RAI14: variants seen among roughly 807,000 people sequenced by gnomAD.
The protein encoded by RAI14 is ankycorbin.
Under a neutral mutation model 115.4 loss-of-function variants are expected in RAI14, and 45 were observed. That is an observed-to-expected ratio of 0.39 (90% CI 0.31 to 0.50). RAI14 has a LOEUF of 0.50. Among genes scored for constraint, RAI14 ranks in the 20% least tolerant of loss-of-function variants. RAI14 has a pLI of 0.85. For missense variants in RAI14, 939 were observed against 1,131.2 expected, an observed-to-expected ratio of 0.83 and a Z score of 2.44; for synonymous variants, 371 against 415.4, an observed-to-expected ratio of 0.89 and a Z score of 1.30.
At chr5:34,721,473 G>A (rs1742748534) in intron 2 of RAI14, among the ~76,000 whole-genome samples, 1 of 151,908 alleles carries the variant, frequency 6.6e-6, no homozygotes, top group East Asian at 1.9e-4. Context: ...CAAGAGGGAT[G>A]TAGCAACTAA....
intron 1 of RAI14, among the ~76,000 whole-genome samples, chr5:34,680,827 TATAAG>T (rs568637818): frequency 8.4e-4 from 128 of 152,332 alleles, no homozygotes; most frequent in Admixed American, 7.8e-3. Flanking sequence ...AACACCTACT[TATAAG>T]ATGATTTTTT....
chr5:34,784,886 C>T (rs374873104), intron 3 of RAI14, among the ~76,000 whole-genome samples: 7 of 152,162 alleles, frequency 4.6e-5, no homozygotes, highest in East Asian at 3.8e-4. Context: ...AGGTCGTATC[C>T]AATTAATGTC....
intron 14 of RAI14, 83 bp from the exon 15 acceptor site, chr5:34,822,873 G>C: frequency 8.3e-7 from 1 of 1,206,032 alleles, no homozygotes; most frequent in South Asian, 1.6e-5. Flanking sequence ...TTTTTTAGTA[G>C]AGACGGGGTT....
intron 2 of RAI14, among the ~76,000 whole-genome samples, chr5:34,694,286 TCTC>T (rs375376561): frequency 2.0e-5 from 3 of 152,358 alleles, no homozygotes; most frequent in African/African-American, 7.2e-5. Flanking sequence ...TCTATGAACT[TCTC>T]CTTGGGACTG....
At position 34,826,322 on chromosome 5, in the gene RAI14, G is replaced by A; in HGVS notation, c.2650-8G>A. The stretch of plus-strand genomic sequence containing the variant: ...CTGTCTGCTAATACCATTTTCCTTT[G>A]CCCCTAGATAAATGAGATGTCGAAG... On this transcript the variant is annotated splice_region_variant and splice_polypyrimidine_tract_variant and intron_variant, in intron 15 of 17. Transcript: ENST00000265109. 6.2e-7 allele frequency: 1 copy of A among 1,612,076 alleles called. No homozygotes were observed. Among genetic ancestry groups the A allele is most frequent in the African/African-American group, 1.3e-5 (1 of 74,934 alleles).
chr5:34,700,173 A>T (rs1579953882), intron 2 of RAI14, among the ~76,000 whole-genome samples: 1 of 152,178 alleles, frequency 6.6e-6, no homozygotes, highest in Non-Finnish European at 1.5e-5. Flanking sequence ...GATTTAGCCT[A>T]GGTTGGCTGT....
chr5:34,690,948 T>C (rs1282552924), intron 2 of RAI14, among the ~76,000 whole-genome samples: 1 of 152,094 alleles, frequency 6.6e-6, no homozygotes, highest in Non-Finnish European at 1.5e-5. Flanking sequence ...TAGAGCAAAA[T>C]ACAAGCAGTA....
chr5:34,701,598 T>C lies in RAI14; in HGVS notation c.36+14643T>C, dbSNP rs1369471251. On this transcript the variant is annotated intron_variant, in intron 2 of 17. Transcript: ENST00000265109. ...TAAATTCACCTACAGCCTGGAAGGC[T>C]GCTCCCCCGCCCGCCTTACAGTTGT... Among the ~76,000 whole-genome samples the C allele has an allele frequency of 7.2e-5, 11 of 152,324 alleles. No individual in the cohort carries two copies. In the East Asian group the frequency reaches 1.9e-3, roughly 27 times the overall value.
intron 2 of RAI14, among the ~76,000 whole-genome samples, chr5:34,730,999 A>G (rs1214679480): frequency 6.6e-6 from 1 of 152,220 alleles, no homozygotes; most frequent in Non-Finnish European, 1.5e-5. Context: ...GAAAGGAAGA[A>G]AAAACAAAAG....
intron 1 of RAI14, among the ~76,000 whole-genome samples, chr5:34,683,982 C>G (rs1744598072): frequency 6.6e-6 from 1 of 152,212 alleles, no homozygotes; most frequent in Admixed American, 6.5e-5. Context: ...CGGCCTCGGC[C>G]TCCCAAAGTG....
intron 1 of RAI14, among the ~76,000 whole-genome samples, chr5:34,681,124 T>G (rs1197051062): frequency 2.0e-5 from 3 of 152,194 alleles, no homozygotes; most frequent in Non-Finnish European, 4.4e-5. Context: ...AGGTACTGTG[T>G]TGTTAAGGTA....
intron 3 of RAI14, among the ~76,000 whole-genome samples, chr5:34,772,763 T>G (rs1750338869): frequency 6.6e-6 from 1 of 152,156 alleles, no homozygotes; most frequent in Non-Finnish European, 1.5e-5. Flanking sequence ...ACCCGGCTGC[T>G]ATTTGAGGCT....
intron 17 of RAI14, 137 bp from the exon 18 acceptor site, chr5:34,830,551 G>T: frequency 1.4e-6 from 2 of 1,437,786 alleles, no homozygotes; most frequent in East Asian, 2.5e-5. Context: ...TTTGGGAAAT[G>T]ATAGGGCTGA....
At chr5:34,670,473 A>C (rs910516428) in intron 1 of RAI14, among the ~76,000 whole-genome samples, 2 of 152,232 alleles carry the variant, frequency 1.3e-5, no homozygotes, top group Non-Finnish European at 2.9e-5. Context: ...AATAATTTAA[A>C]AAATAAAATT....
intron 2 of RAI14, among the ~76,000 whole-genome samples, chr5:34,709,120 A>T (rs924316858): frequency 7.5e-6 from 1 of 133,330 alleles, no homozygotes; most frequent in African/African-American, 2.9e-5. Flanking sequence ...ACAAAGTGAG[A>T]CCCTATCTCA....
rs1757185714 is a variant in RAI14 at position 34,824,025 on chromosome 5, T to C, written c.2183T>C (p.Val728Ala). The C allele has an allele frequency of 2.4e-5, 38 of 1,614,094 alleles. No individual in the cohort carries two copies. The highest frequency in any genetic ancestry group is 3.2e-5 in the Non-Finnish European group (38 of 1,179,970). ...GTGGATGCACAAAAAGAGAACTCTG[T>C]CTCTATCACAGAACATTTGCAAGTG... Reference protein sequence around the residue: ...QLVDAQKENSVSITEHLQVIT... With the variant: ...QLVDAQKENSASITEHLQVIT... Residue 728 changes from valine to alanine, a missense_variant, in exon 15 of 18, where the codon GTC becomes GCC. Coordinates refer to ENST00000265109, the MANE Select transcript of RAI14 (RefSeq NM_015577.3).
intron 2 of RAI14, among the ~76,000 whole-genome samples, chr5:34,706,329 A>C (rs2149947238): frequency 6.6e-6 from 1 of 152,370 alleles, no homozygotes; most frequent in East Asian, 1.9e-4. Context: ...GACTCATGGA[A>C]TATGTGTATC....
chr5:34,736,614 G>A (rs192676595), intron 2 of RAI14, among the ~76,000 whole-genome samples: 11 of 152,156 alleles, frequency 7.2e-5, no homozygotes, highest in Non-Finnish European at 1.0e-4. Flanking sequence ...TGTTGCCCAG[G>A]CTGGTCTCAA....
At chr5:34,743,745 A>T (rs915302398) in intron 2 of RAI14, among the ~76,000 whole-genome samples, 2 of 152,232 alleles carry the variant, frequency 1.3e-5, no homozygotes, top group African/African-American at 4.8e-5. Flanking sequence ...CCCCAGCTTC[A>T]TAGAAGATCC....
Sources: allele counts gnomAD v4.1 joint callset (sites outside exome capture counted in the v4.1 genomes callset), GRCh38; gene constraint gnomAD v4.1.1; transcripts MANE v1.5; gene names NCBI Gene and HGNC (gene_info 2026-07-23, HGNC 2026-07-21).